Variants in UBE4B observed in about 807,000 individuals in gnomAD.
UBE4B encodes the protein ubiquitin conjugation factor E4 B.
UBE4B carries 27 observed loss-of-function variants against 148.1 expected under a neutral mutation model. That is an observed-to-expected ratio of 0.18 (90% CI 0.13 to 0.25). The LOEUF is 0.25. Ranked by LOEUF, UBE4B falls within the 10% of genes least tolerant of loss-of-function variation. The probability of loss-of-function intolerance (pLI) is 1.00; values close to 1 mark genes in which losing one functional copy is unlikely to be tolerated. For synonymous variants in UBE4B, 596 were observed against 619.3 expected (o/e 0.96, Z 0.56); for missense variants, 1,170 against 1,662.4 (o/e 0.70, Z 5.15).
At chr1:10,167,208 G>C (rs776086982) in intron 23 of UBE4B, among the ~76,000 whole-genome samples, 1 of 151,906 alleles carries the variant, frequency 6.6e-6, no homozygotes, top group South Asian at 2.1e-4. Flanking sequence ...GGGAGGCCAA[G>C]GCAGGCTGAT....
At chr1:10,145,181 AAAAC>A in intron 18 of UBE4B, 142 bp downstream of exon 18, 4 of 589,670 alleles carry the variant, frequency 6.8e-6, no homozygotes, top group Non-Finnish European at 1.2e-5. Context: ...AGTATATTTT[AAAAC>A]TTGTTGATAC....
At chr1:10,142,711 G>A (rs907138133) in intron 17 of UBE4B, among the ~76,000 whole-genome samples, 1 of 152,070 alleles carries the variant, frequency 6.6e-6, no homozygotes, top group Admixed American at 6.5e-5. Context: ...GAGGCTCTAG[G>A]GGAGAATCTC....
intron 1 of UBE4B, among the ~76,000 whole-genome samples, chr1:10,053,930 T>A (rs1446937569): frequency 6.6e-6 from 1 of 152,142 alleles, no homozygotes; most frequent in Non-Finnish European, 1.5e-5. Flanking sequence ...CAAGTGATCC[T>A]CCTGCCTTGG....
intron 1 of UBE4B, among the ~76,000 whole-genome samples, chr1:10,068,913 G>A (rs550537527): frequency 6.6e-6 from 1 of 152,278 alleles, no homozygotes; most frequent in Non-Finnish European, 1.5e-5. Flanking sequence ...AAATTTTCCA[G>A]CGGATCTTTA....
Position 10,180,953 on chromosome 1 carries a change from T to C in UBE4B, c.*997T>C, listed in dbSNP as rs2102052761. The C allele has an allele frequency of 6.6e-6, 1 of 152,546 alleles. No homozygotes were observed. Among genetic ancestry groups the C allele is most frequent in the East Asian group, 1.9e-4 (1 of 5,182 alleles). 9.4% of individuals were successfully genotyped at this position (152,546 alleles called of 1,614,324 possible). On this transcript the variant is annotated 3_prime_UTR_variant, in exon 28 of 28. Transcript: ENST00000343090. ...CAAAGCAAAAGAGGGTGCAAGAATG[T>C]GGGAGTATGTCTGCCGGTTTCAACA...
Position 10,106,401 on chromosome 1 carries a change from A to C in UBE4B, c.1014A>C (p.Pro338=). Residue 338 remains proline, a synonymous_variant, in exon 7 of 28, where the codon CCA becomes CCC. Transcript: ENST00000343090. This position sits in a 1 kb window ranked among gnomAD's most constrained non-coding sequence, Gnocchi z 4.2. ...PRYRPYTVTH[P]WASSGVSILS... ...ATCGCCCCTACACTGTCACTCACCC[A>C]TGGGCGTCCTCAGGCGTCTCCATTC... The C allele has an allele frequency of 6.2e-7, 1 of 1,613,368 alleles. No homozygotes were observed. Among genetic ancestry groups the C allele is most frequent in the Non-Finnish European group, 8.5e-7 (1 of 1,179,568 alleles).
At chr1:10,126,356 A>AGAT (rs1557577096) in intron 10 of UBE4B, among the ~76,000 whole-genome samples, 13 of 146,974 alleles carry the variant, frequency 8.8e-5, no homozygotes, top group African/African-American at 1.7e-4. Flanking sequence ...GATAGATAGA[A>AGAT]AGGAGGAAAT....
rs775280085 is a variant in UBE4B, at chr1:10,178,739, C to G, written c.3621C>G (p.Leu1207=). The change falls in exon 26 of 28, where the codon CTC becomes CTG. Residue 1207 remains leucine, a synonymous_variant. Coordinates refer to ENST00000343090, the MANE Select transcript of UBE4B (RefSeq NM_001105562.3). The part of the protein sequence containing the change: ...STIAIEKFKL[L]AEKVEEIVAK... ...TAGCAATAGAAAAATTTAAGCTGCT[C>G]GCCGAGAAAGTGGAGGAGATAGTGG... 7.4e-6 allele frequency: 12 copies of G among 1,613,760 alleles called. No individual in the cohort carries two copies. The highest frequency in any genetic ancestry group is 2.7e-5 in the African/African-American group (2 of 74,954).
At position 10,134,886 on chromosome 1, in the gene UBE4B, G is replaced by A. The variant is rs1309014564; in HGVS notation, c.2026-102G>A. On this transcript the variant is annotated intron_variant, in intron 15 of 27. Transcript: ENST00000343090. ...CCTGGGAGGTGGAGGTTGCAGCCAA[G>A]ATCACACCCCTTCGCTCCAGCCTGG... is the stretch of plus-strand genomic sequence containing the variant. 3 of 984,496 alleles carry A rather than the reference G, an allele frequency of 3.0e-6. No homozygotes were observed. In the East Asian group the frequency reaches 8.0e-5, roughly 26 times the overall value. 61.0% of individuals were successfully genotyped at this position (984,496 alleles called of 1,614,324 possible).
At chr1:10,096,060 T>G (rs1444783727) in intron 3 of UBE4B, among the ~76,000 whole-genome samples, 2 of 152,184 alleles carry the variant, frequency 1.3e-5, no homozygotes, top group African/African-American at 4.8e-5. Context: ...TATGAGCCAC[T>G]GTGCGTGGCC....
At chr1:10,096,695 C>T (rs1482180340) in intron 3 of UBE4B, among the ~76,000 whole-genome samples, 4 of 151,906 alleles carry the variant, frequency 2.6e-5, no homozygotes, top group South Asian at 2.1e-4. Flanking sequence ...GCACTCCAGC[C>T]TGGCCGATAG....
At chr1:10,138,601 CA>C (rs1645734902) in intron 17 of UBE4B, among the ~76,000 whole-genome samples, 1 of 152,144 alleles carries the variant, frequency 6.6e-6, no homozygotes, top group Non-Finnish European at 1.5e-5. Flanking sequence ...TACACATAAT[CA>C]TGTCTATAAA....
At chr1:10,059,445 G>C (rs1245225559) in intron 1 of UBE4B, 8 of 212,294 alleles carry the variant, frequency 3.8e-5, no homozygotes, top group Admixed American at 3.0e-4. Context: ...TGTTGGTTGA[G>C]GCTCCTGGCA....
chr1:10,162,438 G>T (rs1481546721), intron 23 of UBE4B, among the ~76,000 whole-genome samples: 1 of 152,094 alleles, frequency 6.6e-6, no homozygotes, highest in Admixed American at 6.6e-5. Flanking sequence ...CTCCCAAAGT[G>T]CTGGGATTAC....
chr1:10,156,266 G>T (rs1203842615), intron 21 of UBE4B, among the ~76,000 whole-genome samples: 26 of 144,358 alleles, frequency 1.8e-4, no homozygotes, highest in Non-Finnish European at 3.1e-4. Context: ...TTGAGCTAGG[G>T]TCTTGCTCTG....
chr1:10,037,951 A>G (rs746482786), intron 1 of UBE4B, among the ~76,000 whole-genome samples: 3 of 152,164 alleles, frequency 2.0e-5, no homozygotes, highest in Non-Finnish European at 2.9e-5. Flanking sequence ...TTCATCTGCA[A>G]GATGGTTGGC....
chr1:10,056,399 G>T (rs907813702), intron 1 of UBE4B, among the ~76,000 whole-genome samples: 1 of 152,182 alleles, frequency 6.6e-6, no homozygotes, highest in African/African-American at 2.4e-5. Flanking sequence ...TGTGTGTCAA[G>T]TAAACACTTT....
chr1:10,100,928 A>G (rs1645000931), intron 3 of UBE4B, 180 bp from the exon 4 acceptor site: 1 of 596,266 alleles, frequency 1.7e-6, no homozygotes, highest in Non-Finnish European at 2.9e-6. Flanking sequence ...TATAAGAGAC[A>G]AATTGTTTAG....
intron 21 of UBE4B, among the ~76,000 whole-genome samples, chr1:10,153,672 G>A (rs982899911): frequency 2.0e-5 from 3 of 151,828 alleles, no homozygotes; most frequent in Non-Finnish European, 2.9e-5. Flanking sequence ...GTAAAAGGCC[G>A]GGCGTGGTGG....
Sources: allele counts gnomAD v4.1 joint callset (sites outside exome capture counted in the v4.1 genomes callset), GRCh38; gene constraint gnomAD v4.1.1; non-coding constraint Gnocchi (gnomAD v3.1); transcripts MANE v1.5; gene names NCBI Gene and HGNC (gene_info 2026-07-23, HGNC 2026-07-21).